DOCK6: variants seen among roughly 807,000 people sequenced by gnomAD.
DOCK6 encodes dedicator of cytokinesis protein 6.
DOCK6 carries 167 observed loss-of-function variants against 230.3 expected under a neutral mutation model. That is an observed-to-expected ratio of 0.73 (90% CI 0.64 to 0.82). The LOEUF (loss-of-function observed/expected upper bound fraction) is 0.82. Ranked by LOEUF, DOCK6 falls within the 40% of genes least tolerant of loss-of-function variation. The pLI is 0.00. For missense variants in DOCK6, 2,598 were observed against 2,825.8 expected, an observed-to-expected ratio of 0.92 and a Z score of 1.83; for synonymous variants, 1,148 against 1,185.0, an observed-to-expected ratio of 0.97 and a Z score of 0.64.
In DOCK6 at chr19:11,238,936, C is replaced by T. The variant is rs892940913; in HGVS notation, c.1644-632G>A. The T allele has an allele frequency of 3.9e-5, 6 of 155,034 alleles. No homozygotes were observed. In the East Asian group the frequency reaches 1.1e-3, roughly 30 times the overall value. The allele number at this position is 155,034 out of a possible 1,614,324, so 9.6% of individuals were successfully genotyped here. On this transcript the variant is annotated intron_variant, in intron 14 of 47. Transcript: ENST00000294618. Reference sequence around the variant, plus strand: ...ATAATTGCACCAAACACTATTACTACAACAATGAAATAATCGCGCCTACTG... The same window carrying T: ...ATAATTGCACCAAACACTATTACTATAACAATGAAATAATCGCGCCTACTG...
chr19:11,218,107 T>C (rs1568230330), intron 28 of DOCK6, among the ~76,000 whole-genome samples: 1 of 151,942 alleles, frequency 6.6e-6, no homozygotes, highest in Non-Finnish European at 1.5e-5. Flanking sequence ...GTCTCAGCCT[T>C]CCAAAGTGCT....
At chr19:11,237,018 C>A in intron 18 of DOCK6, 139 bp from the exon 19 acceptor site, 1 of 831,410 alleles carries the variant, frequency 1.2e-6, no homozygotes, top group Non-Finnish European at 1.8e-6. Flanking sequence ...GCCCCCAGCC[C>A]TGGTCCCAGT....
In DOCK6 at chr19:11,238,211, G is replaced by A. The variant is rs368911642; in HGVS notation, c.1737C>T (p.Gly579=). ...CCGGCAGAGCCTGGCTGGGGTCCTC[G>A]CCTGTCATGTACTGCACTCGCACAG... ...NLAVRVQYMT[G]EDPSQALPVI... Residue 579 remains glycine (G), a synonymous_variant, in exon 15 of 48, where the codon GGC becomes GGT. Transcript: ENST00000294618. 2.6e-5 allele frequency: 42 copies of A among 1,613,576 alleles called. No individual in the cohort carries two copies. Among genetic ancestry groups the A allele is most frequent in the Admixed American group, 2.3e-4 (14 of 59,990 alleles).
chr19:11,237,433 G>C, intron 18 of DOCK6, 23 bp downstream of exon 18: 1 of 1,612,834 alleles, frequency 6.2e-7, no homozygotes, highest in South Asian at 1.1e-5. Flanking sequence ...TGCATTGGCA[G>C]GCAGGAGCTC....
At chr19:11,238,592 G>GAC in intron 14 of DOCK6, 1 of 404,796 alleles carries the variant, frequency 2.5e-6, no homozygotes, top group East Asian at 4.2e-5. Context: ...GGGGCACAGT[G>GAC]ACACACAGAA....
In DOCK6 at chr19:11,208,777, G is replaced by A. The variant is rs373239745; in HGVS notation, c.4997C>T (p.Ser1666Leu). 5 of 1,613,760 alleles carry A rather than the reference G, an allele frequency of 3.1e-6. No homozygotes were observed. The highest frequency in any genetic ancestry group is 3.4e-6 in the Non-Finnish European group (4 of 1,179,754). ...GGAGCAGAAGCCCTCCTCGTCGGGC[G>A]ACAGGATGTCGTCGGAGATGGCGGA... ...EESAISDDIL[S>L]PDEEGFCSGK... The change falls in exon 39 of 48, where the codon TCG (serine) becomes TTG (leucine). Residue 1666 changes from serine (S) to leucine (L), a missense_variant. Coordinates refer to ENST00000294618, the MANE Select transcript of DOCK6 (RefSeq NM_020812.4).
At chr19:11,203,804 C>T in intron 41 of DOCK6, 1 of 576,232 alleles carries the variant, frequency 1.7e-6, no homozygotes, top group Non-Finnish European at 3.1e-6. Context: ...CCCGCCACCC[C>T]CCTGCAGTGA....
chr19:11,245,971 G>T, intron 7 of DOCK6, 93 bp from the exon 8 acceptor site: 1 of 1,418,388 alleles, frequency 7.1e-7, no homozygotes, highest in Non-Finnish European at 9.7e-7. Flanking sequence ...GGGGGCATCT[G>T]ACTCCCACTG....
intron 37 of DOCK6, among the ~76,000 whole-genome samples, chr19:11,209,996 T>TC (rs2079346067): frequency 1.0e-5 from 1 of 96,268 alleles, no homozygotes; most frequent in Non-Finnish European, 2.1e-5. Flanking sequence ...CACCTGCCCA[T>TC]CCCTCACCTG....
intron 31 of DOCK6, 57 bp downstream of exon 31, chr19:11,215,744 G>T: frequency 6.2e-7 from 1 of 1,609,068 alleles, no homozygotes; most frequent in South Asian, 1.1e-5. Flanking sequence ...GGGTCCCCTT[G>T]ACACAAGGTG....
rs74810158 is a variant in DOCK6, at chr19:11,239,884, C to T, written c.1644-1580G>A. On this transcript the variant is annotated intron_variant, in intron 14 of 47. Transcript: ENST00000294618. The stretch of plus-strand genomic sequence containing the variant: ...AGAACTCCTGGGGCAGGAGGTCAGC[C>T]GGGGCCGGGATGCAGCCCAGGAACT... 7.9e-4 allele frequency: 1,254 copies of T among 1,595,422 alleles called. 2 individuals are homozygous for T. The highest frequency in any genetic ancestry group is 9.8e-4 in the Non-Finnish European group (1,149 of 1,171,408).
At chr19:11,208,554 C>T in intron 39 of DOCK6, 132 bp downstream of exon 39, 6 of 1,315,632 alleles carry the variant, frequency 4.6e-6, no homozygotes, top group Non-Finnish European at 6.1e-6. Flanking sequence ...GCTGGGGTTA[C>T]AGGCGTGAGC....
rs752962516 is a variant in DOCK6 at position 11,233,192 on chromosome 19, C to T, written c.2718+11G>A. ...CTGAGGCTGGAGATTCCAGGGCCCC[C>T]GTTGCCCTACCTTGCTGGCCAGGAT... On this transcript the variant is annotated intron_variant, in intron 22 of 47. Coordinates refer to ENST00000294618, the MANE Select transcript of DOCK6 (RefSeq NM_020812.4). The T allele has an allele frequency of 5.0e-6, 8 of 1,611,368 alleles. No homozygotes were observed. The highest frequency in any genetic ancestry group is 5.9e-6 in the Non-Finnish European group (7 of 1,178,892).
chr19:11,201,073 T>C lies in DOCK6; in HGVS notation c.5689-21A>G. 6.2e-7 allele frequency: 1 copy of C among 1,611,564 alleles called. No homozygotes were observed. Among genetic ancestry groups the C allele is most frequent in the Non-Finnish European group, 8.5e-7 (1 of 1,179,330 alleles). On this transcript the variant is annotated intron_variant, in intron 44 of 47. Coordinates refer to ENST00000294618, the MANE Select transcript of DOCK6 (RefSeq NM_020812.4). The surrounding 1 kb of genome is among the most constrained non-coding windows in gnomAD (Gnocchi z 4.3). Reference sequence around the variant, plus strand: ...ACCGTCTGTGGGGTAAGGGGAGGGGTGTGTACTCGCTGGGGCCTGAGGAGG... The same window carrying C: ...ACCGTCTGTGGGGTAAGGGGAGGGGCGTGTACTCGCTGGGGCCTGAGGAGG...
chr19:11,217,016 G>A lies in DOCK6; in HGVS notation c.3792C>T (p.Thr1264=), dbSNP rs745691615. Residue 1264 remains threonine, a synonymous_variant, in exon 30 of 48, where the codon ACC becomes ACT. Coordinates refer to ENST00000294618, the MANE Select transcript of DOCK6 (RefSeq NM_020812.4). ...CCCAGCGCTGCAGGAGCGCCGGCTC[G>A]GTGTTTTTCAGCACCCACAGCACAC... ...LACVLWVLKN[T]EPALLQRWAT... 26 of 1,613,524 alleles carry A rather than the reference G, an allele frequency of 1.6e-5. No individual in the cohort carries two copies. The highest frequency in any genetic ancestry group is 6.7e-5 in the African/African-American group (5 of 74,934).
At chr19:11,213,082 T>C in intron 35 of DOCK6, 94 bp downstream of exon 35, 1 of 1,479,970 alleles carries the variant, frequency 6.8e-7, no homozygotes, top group Non-Finnish European at 9.1e-7. Flanking sequence ...GCTCAATGAC[T>C]GTCTCCCCCT....
rs1568246764 is a variant in DOCK6, at chr19:11,235,722, A to AT, written c.2429dup (p.His810GlnfsTer37). On this transcript the variant is annotated frameshift_variant, in exon 21 of 48. Coordinates refer to ENST00000294618, the MANE Select transcript of DOCK6 (RefSeq NM_020812.4). LOFTEE classifies it high-confidence loss of function. ...GGCTCCGGTGAACAAGGCTGACTAC[A>AT]TGGGCCATTGCTTCAAAGGCTCCAC... 8 of 1,599,360 alleles carry AT rather than the reference A, an allele frequency of 5.0e-6. No homozygotes were observed. The highest frequency in any genetic ancestry group is 1.3e-5 in the African/African-American group (1 of 74,810).
chr19:11,248,271 T>G (rs1352642653), intron 6 of DOCK6, 120 bp from the exon 7 acceptor site: 1 of 718,576 alleles, frequency 1.4e-6, no homozygotes, highest in Non-Finnish European at 2.3e-6. Context: ...TTTCCATCCC[T>G]GCCTCTGAGC....
chr19:11,250,749 A>G, intron 6 of DOCK6, 125 bp downstream of exon 6: 1 of 979,432 alleles, frequency 1.0e-6, no homozygotes, highest in Non-Finnish European at 1.5e-6. Flanking sequence ...CCCAATAAAC[A>G]CTGATCGGAT....
Sources: allele counts gnomAD v4.1 joint callset (sites outside exome capture counted in the v4.1 genomes callset), GRCh38; gene constraint gnomAD v4.1.1; non-coding constraint Gnocchi (gnomAD v3.1); transcripts MANE v1.5; gene names NCBI Gene and HGNC (gene_info 2026-07-23, HGNC 2026-07-21).